Variants in RBFOX1 observed in about 807,000 individuals in gnomAD.
RBFOX1 encodes RNA binding protein fox-1 homolog 1.
Under a neutral mutation model 57.7 loss-of-function variants are expected in RBFOX1, and 8 were observed. The observed-to-expected ratio is 0.14, with a 90% CI of 0.08 to 0.25. The LOEUF is 0.25. Ranked by LOEUF, RBFOX1 falls within the 10% of genes least tolerant of loss-of-function variation. The pLI, the probability that RBFOX1 is intolerant of heterozygous loss-of-function variation, is 1.00. For missense variants in RBFOX1, 611 were observed against 548.5 expected, an observed-to-expected ratio of 1.11 and a Z score of -1.14; for synonymous variants, 326 against 222.4, an observed-to-expected ratio of 1.47 and a Z score of -4.15.
At chr16:7,391,384 G>C (rs78002599) in intron 4 of RBFOX1, among the ~76,000 whole-genome samples, 10,846 of 152,226 alleles carry the variant, frequency 0.071, 539 homozygotes, top group Middle Eastern at 0.14. Flanking sequence ...CAATTATAGG[G>C]GTAGCTGGGT....
chr16:6,855,903 CCTT>C (rs573399368), intron 3 of RBFOX1, among the ~76,000 whole-genome samples: 364 of 151,386 alleles, frequency 2.4e-3, no homozygotes, highest in Non-Finnish European at 4.1e-3. Flanking sequence ...TCCTTACCTC[CCTT>C]CTTTCCTTCT....
chr16:6,948,961 C>G (rs577660000), intron 3 of RBFOX1, among the ~76,000 whole-genome samples: 2 of 151,986 alleles, frequency 1.3e-5, no homozygotes, highest in African/African-American at 4.8e-5. Context: ...AGTTGGGTTG[C>G]TGTAGAATGG....
intron 3 of RBFOX1, among the ~76,000 whole-genome samples, chr16:5,638,347 G>A (rs1174603127): frequency 6.6e-6 from 1 of 152,202 alleles, no homozygotes; most frequent in African/African-American, 2.4e-5. Flanking sequence ...GATTAAAGAT[G>A]CTAAACGTTG....
intron 2 of RBFOX1, among the ~76,000 whole-genome samples, chr16:5,516,176 G>A (rs2043785421): frequency 6.6e-6 from 1 of 152,224 alleles, no homozygotes; most frequent in Non-Finnish European, 1.5e-5. Flanking sequence ...TCCAAAGGGA[G>A]TCAAGCTTGA....
intron 1 of RBFOX1, among the ~76,000 whole-genome samples, chr16:5,275,020 G>T (rs1407364533): frequency 4.6e-5 from 7 of 152,200 alleles, no homozygotes; most frequent in Admixed American, 3.9e-4. Flanking sequence ...GAGATGTTAG[G>T]TTCTTCATTT....
intron 2 of RBFOX1, among the ~76,000 whole-genome samples, chr16:6,477,350 CT>C (rs1250577968): frequency 2.6e-5 from 4 of 152,120 alleles, no homozygotes; most frequent in African/African-American, 9.7e-5. Flanking sequence ...AAAATTATTC[CT>C]TGATCCATTG....
At chr16:6,412,816 C>T (rs2093502415) in intron 2 of RBFOX1, among the ~76,000 whole-genome samples, 1 of 152,178 alleles carries the variant, frequency 6.6e-6, no homozygotes, top group African/African-American at 2.4e-5. Context: ...GCCCGACATG[C>T]TTACACATCA....
intron 1 of RBFOX1, among the ~76,000 whole-genome samples, chr16:5,455,531 T>C (rs1375776268): frequency 6.6e-6 from 1 of 152,222 alleles, no homozygotes; most frequent in African/African-American, 2.4e-5. Context: ...TATTTGAGAT[T>C]CTTTCTTTCA....
intron 2 of RBFOX1, among the ~76,000 whole-genome samples, chr16:5,471,265 G>C (rs1007693605): frequency 6.6e-6 from 1 of 152,186 alleles, no homozygotes; most frequent in Non-Finnish European, 1.5e-5. Flanking sequence ...AGGAAATGGC[G>C]TTCTGTTCCT....
Position 5,947,352 on chromosome 16 carries a change from A to G in RBFOX1, c.351+80017A>G, listed in dbSNP as rs17138975. Among the ~76,000 whole-genome samples, 1,111 of 152,274 alleles carry G rather than the reference A, an allele frequency of 7.3e-3. 21 individuals carry two copies. The highest frequency in any genetic ancestry group is 0.026 in the African/African-American group (1,060 of 41,556). On this transcript the variant is annotated intron_variant, in intron 4 of 19. Coordinates refer to the RBFOX1 transcript ENST00000641259. The surrounding 1 kb of genome is among the most constrained non-coding windows in gnomAD (Gnocchi z 7.2). ...ACCTCTTTTTACAACCATGTGTTCT[A>G]CATTGCAATGACAGATTTTTGTTCT... is the stretch of plus-strand genomic sequence containing the variant.
At chr16:6,514,674 G>T (rs1475759783) in intron 2 of RBFOX1, among the ~76,000 whole-genome samples, 1 of 152,122 alleles carries the variant, frequency 6.6e-6, no homozygotes, top group Non-Finnish European at 1.5e-5. Context: ...CACAAAAATG[G>T]TGTCTCCTGA....
intron 1 of RBFOX1, among the ~76,000 whole-genome samples, chr16:5,264,433 G>A (rs1370647902): frequency 2.0e-5 from 3 of 152,112 alleles, no homozygotes; most frequent in Admixed American, 6.5e-5. Flanking sequence ...TCTTTGGACC[G>A]TCTGTATAAA....
chr16:5,617,955 G>C (rs2048087077), intron 3 of RBFOX1, among the ~76,000 whole-genome samples: 1 of 152,170 alleles, frequency 6.6e-6, no homozygotes, highest in African/African-American at 2.4e-5. Flanking sequence ...TTTTGTTCAA[G>C]CTCTGGCATG....
At chr16:5,430,457 G>C (rs72761009) in intron 1 of RBFOX1, among the ~76,000 whole-genome samples, 1 of 152,320 alleles carries the variant, frequency 6.6e-6, no homozygotes, top group Non-Finnish European at 1.5e-5. Context: ...TGAGAGAGCT[G>C]GGGCTGGAGC....
intron 4 of RBFOX1, among the ~76,000 whole-genome samples, chr16:7,504,787 T>TAAATATA (rs1555526513): frequency 1.1e-4 from 1 of 9,364 alleles, no homozygotes; most frequent in African/African-American, 3.7e-4. Context: ...ATATATATAT[T>TAAATATA]TATATATATA....
intron 2 of RBFOX1, among the ~76,000 whole-genome samples, chr16:6,586,225 G>C (rs1015091690): frequency 6.6e-6 from 1 of 152,166 alleles, no homozygotes; most frequent in East Asian, 1.9e-4. Flanking sequence ...ATCCCAATTT[G>C]CTCAGATAGG....
chr16:6,437,666 G>A (rs952875796), intron 2 of RBFOX1, among the ~76,000 whole-genome samples: 10 of 152,180 alleles, frequency 6.6e-5, no homozygotes, highest in African/African-American at 2.2e-4. Flanking sequence ...GGCTGTATAG[G>A]AGGCATGGCT....
At chr16:5,486,942 T>C (rs2042648668) in intron 2 of RBFOX1, among the ~76,000 whole-genome samples, 1 of 152,176 alleles carries the variant, frequency 6.6e-6, no homozygotes, top group South Asian at 2.1e-4. Context: ...TCCCTTCTTC[T>C]TCAATGCTCA....
At chr16:7,345,626 C>A (rs921565879) in intron 4 of RBFOX1, among the ~76,000 whole-genome samples, 1 of 152,032 alleles carries the variant, frequency 6.6e-6, no homozygotes, top group Admixed American at 6.6e-5. Context: ...CCGCCGAGTC[C>A]CCTCTCTGTC....
Sources: allele counts gnomAD v4.1 joint callset (sites outside exome capture counted in the v4.1 genomes callset), GRCh38; gene constraint gnomAD v4.1.1; non-coding constraint Gnocchi (gnomAD v3.1); transcripts MANE v1.5; gene names NCBI Gene and HGNC (gene_info 2026-07-23, HGNC 2026-07-21).